Variants in KITLG observed in about 807,000 individuals in gnomAD.
KITLG encodes the protein KIT ligand, also known as c-Kit ligand.
Under a neutral mutation model 34.1 loss-of-function variants are expected in KITLG, and 13 were observed. That is an observed-to-expected ratio of 0.38 (90% confidence interval 0.25 to 0.61). The LOEUF (loss-of-function observed/expected upper bound fraction) is 0.61. Ranked by LOEUF, KITLG falls within the 20% of genes least tolerant of loss-of-function variation. KITLG has a pLI of 0.60. For synonymous variants in KITLG, 110 were observed against 104.0 expected (o/e 1.06, Z -0.35); for missense variants, 292 against 318.9 (o/e 0.92, Z 0.64).
intron 1 of KITLG, among the ~76,000 whole-genome samples, chr12:88,558,392 C>T (rs1179209138): frequency 6.6e-6 from 1 of 151,870 alleles, no homozygotes; most frequent in Non-Finnish European, 1.5e-5. Flanking sequence ...TCTACTTTAA[C>T]TGCTTCCAAA....
chr12:88,564,814 G>A (rs1012156054), intron 1 of KITLG, among the ~76,000 whole-genome samples: 3 of 151,528 alleles, frequency 2.0e-5, no homozygotes, highest in Non-Finnish European at 4.4e-5. Flanking sequence ...TTTAAACTTG[G>A]CATCAAAGAG....
chr12:88,532,595 T>C (rs1259637435), intron 2 of KITLG, 92 bp from the exon 3 acceptor site: 7 of 851,922 alleles, frequency 8.2e-6, no homozygotes, highest in Non-Finnish European at 1.3e-5. Flanking sequence ...CACAAAACTG[T>C]TGTGCTTTTT....
In KITLG at chr12:88,527,294, C is replaced by T. The variant is rs774232165; in HGVS notation, c.192+5147G>A. On this transcript the variant is annotated intron_variant, in intron 3 of 9. Transcript: ENST00000644744. ...TGATTGGATGTATTTCTTTTTAAAT[C>T]ACTCTGTCTATTCAGGAAGAATCAA... Among the ~76,000 whole-genome samples the T allele has an allele frequency of 9.9e-5, 15 of 152,240 alleles. No homozygotes were observed. In the East Asian group the frequency reaches 1.5e-3, roughly 16 times the overall value.
chr12:88,525,854 A>G (rs898231250), intron 3 of KITLG, among the ~76,000 whole-genome samples: 1 of 152,170 alleles, frequency 6.6e-6, no homozygotes, highest in Admixed American at 6.5e-5. Flanking sequence ...CAAATGATAC[A>G]TGGGAGAGAA....
At chr12:88,524,548 CTAAA>C (rs1396645843) in intron 3 of KITLG, among the ~76,000 whole-genome samples, 2 of 151,706 alleles carry the variant, frequency 1.3e-5, no homozygotes, top group Non-Finnish European at 2.9e-5. Context: ...ATACATGGGG[CTAAA>C]TAAATTTCAT....
chr12:88,538,122 T>C (rs1870394533), intron 2 of KITLG, among the ~76,000 whole-genome samples: 1 of 152,132 alleles, frequency 6.6e-6, no homozygotes, highest in Non-Finnish European at 1.5e-5. Context: ...GAGTATGAAT[T>C]TCTATTAATA....
intron 6 of KITLG, among the ~76,000 whole-genome samples, chr12:88,513,054 T>C (rs912617310): frequency 4.0e-5 from 6 of 151,816 alleles, no homozygotes; most frequent in African/African-American, 1.4e-4. Flanking sequence ...AAAGAAATAA[T>C]TGAACTGCAT....
chr12:88,579,794 C>G (rs1236186711), intron 1 of KITLG, among the ~76,000 whole-genome samples: 3 of 150,918 alleles, frequency 2.0e-5, no homozygotes, highest in Non-Finnish European at 4.4e-5. Context: ...GCGTTCGCGC[C>G]GCTCCTGGTG....
chr12:88,532,553 T>C, intron 2 of KITLG, 50 bp from the exon 3 acceptor site: 2 of 1,253,630 alleles, frequency 1.6e-6, no homozygotes, highest in Non-Finnish European at 2.3e-6. Context: ...ATACATCAAT[T>C]AATCATATTT....
In KITLG at chr12:88,545,734, A is replaced by C; in HGVS notation, c.129+18T>G. 1 of 1,362,326 alleles carries C rather than the reference A, an allele frequency of 7.3e-7. No homozygotes were observed. Among genetic ancestry groups the C allele is most frequent in the Non-Finnish European group, 1.1e-6 (1 of 951,366 alleles). The allele number at this position is 1,362,326 out of a possible 1,614,324, so 84.4% of individuals were successfully genotyped here. A position where few individuals can be genotyped will look rare whatever the true frequency, so the allele number is the denominator to read the frequency against. ...ACAGCTCTTTTTTACACAGCACGGT[A>C]AAGCATTCCTTACTTACCAATTTAG... On this transcript the variant is annotated intron_variant, in intron 2 of 9. Coordinates refer to ENST00000644744, the MANE Select transcript of KITLG (RefSeq NM_000899.5).
intron 9 of KITLG, among the ~76,000 whole-genome samples, chr12:88,504,572 T>C (rs903727847): frequency 6.6e-6 from 1 of 152,074 alleles, no homozygotes; most frequent in African/African-American, 2.4e-5. Context: ...GATAACCATC[T>C]CACACCAGTT....
chr12:88,553,354 C>A (rs986385680), intron 1 of KITLG, among the ~76,000 whole-genome samples: 3 of 152,132 alleles, frequency 2.0e-5, no homozygotes, highest in African/African-American at 2.4e-5. Context: ...TCACACACAC[C>A]CTAATGGAGA....
At chr12:88,551,960 CG>C (rs1245600114) in intron 1 of KITLG, among the ~76,000 whole-genome samples, 1 of 151,934 alleles carries the variant, frequency 6.6e-6, no homozygotes, top group African/African-American at 2.4e-5. Context: ...GAAGAAGGGT[CG>C]GGGAAATGTG....
rs1277873230 is a variant in KITLG, at chr12:88,497,115, C to T, written c.*104G>A. The T allele has an allele frequency of 2.2e-6, 1 of 448,848 alleles. No homozygotes were observed. Among genetic ancestry groups the T allele is most frequent in the African/African-American group, 2.0e-5 (1 of 49,642 alleles). 27.8% of individuals were successfully genotyped at this position (448,848 alleles called of 1,614,324 possible). ...GAACAGATAAAGATGTGGTCTGTCACTCCAGACAGAATATGAATTTGTTTA... is the reference window on the plus strand; with the variant it reads ...GAACAGATAAAGATGTGGTCTGTCATTCCAGACAGAATATGAATTTGTTTA... On this transcript the variant is annotated 3_prime_UTR_variant, in exon 10 of 10. Coordinates refer to ENST00000644744, the MANE Select transcript of KITLG (RefSeq NM_000899.5).
intron 1 of KITLG, among the ~76,000 whole-genome samples, chr12:88,571,340 G>A (rs1002952572): frequency 6.6e-6 from 1 of 152,126 alleles, no homozygotes; most frequent in African/African-American, 2.4e-5. Flanking sequence ...TTTAAATATT[G>A]AGAAAGTGAA....
intron 1 of KITLG, among the ~76,000 whole-genome samples, chr12:88,555,997 G>T (rs555546358): frequency 2.5e-3 from 385 of 152,150 alleles, no homozygotes; most frequent in Middle Eastern, 0.01. Flanking sequence ...GACTTGGGGA[G>T]GGGGGCATTT....
intron 1 of KITLG, 98 bp downstream of exon 1, chr12:88,580,166 C>A: frequency 7.7e-7 from 1 of 1,300,418 alleles, no homozygotes; most frequent in Non-Finnish European, 1.1e-6. Flanking sequence ...CAGCCCTGCA[C>A]GCCCCAGCTG....
chr12:88,566,932 T>C (rs758342272), intron 1 of KITLG, among the ~76,000 whole-genome samples: 2 of 152,194 alleles, frequency 1.3e-5, no homozygotes, highest in Non-Finnish European at 2.9e-5. Context: ...TACATGAATT[T>C]AGGACATGGA....
chr12:88,516,374 A>G lies in KITLG; in HGVS notation c.480T>C (p.Thr160=). The stretch of plus-strand genomic sequence containing the variant: ...ATGTTGAAGAAACCACACAATCACT[A>G]GTTTCAGATGCCACTACAAAGTCCT... ...AFKDFVVASE[T]SDCVVSSTLS... Residue 160 remains threonine (T), a synonymous_variant, in exon 5 of 10, where the codon ACT becomes ACC. Transcript: ENST00000644744. 6.2e-7 allele frequency: 1 copy of G among 1,611,306 alleles called. No individual in the cohort carries two copies. Among genetic ancestry groups the G allele is most frequent in the Non-Finnish European group, 8.5e-7 (1 of 1,177,922 alleles).
Sources: gnomAD v4.1 joint callset for allele counts (sites outside exome capture counted in the v4.1 genomes callset) on GRCh38, gnomAD v4.1.1 for gene constraint, MANE v1.5 for transcripts, NCBI Gene and HGNC (gene_info 2026-07-23, HGNC 2026-07-21) for gene names.